RAB3C: variants seen among roughly 807,000 people sequenced by gnomAD.
The protein encoded by RAB3C is ras-related protein Rab-3C.
In RAB3C, 17 loss-of-function variants were observed where a neutral mutation model predicts 26.4. The ratio of observed to expected loss-of-function variants is 0.64; its 90% confidence interval spans 0.44 to 0.97. The LOEUF (loss-of-function observed/expected upper bound fraction) is 0.97. Ranked by LOEUF, RAB3C falls within the 50% of genes least tolerant of loss-of-function variation. The probability of loss-of-function intolerance (pLI) is 0.00; values close to 1 mark genes in which losing one functional copy is unlikely to be tolerated. For missense variants in RAB3C, 242 were observed against 281.9 expected, an observed-to-expected ratio of 0.86 and a Z score of 1.01; for synonymous variants, 91 against 95.9, an observed-to-expected ratio of 0.95 and a Z score of 0.30.
Position 58,638,321 on chromosome 5 carries a change from A to T in RAB3C, c.252+20451A>T, listed in dbSNP as rs1380792572. Among the ~76,000 whole-genome samples the T allele has an allele frequency of 3.3e-5, 5 of 151,690 alleles. No homozygotes were observed. The East Asian group carries it at 9.7e-4, about 29-fold the overall frequency. ...TACTAACTTTTCTATTGTTCTGTGC[A>T]TCTTTATTTTCATTGATTTGTGAGG... On this transcript the variant is annotated intron_variant, in intron 2 of 4. Transcript: ENST00000282878.
In RAB3C at chr5:58,851,266, A is replaced by C; in HGVS notation, c.599A>C (p.Glu200Ala). Residue 200 changes from glutamate to alanine, a missense_variant, in exon 5 of 5, where the codon GAG (glutamate) becomes GCG (alanine). Transcript: ENST00000282878. Reference sequence around the variant, plus strand: ...TGCGACAAAATGTCAGAGAGTTTGGAGACTGATCCTGCCATCACTGCTGCA... The same window carrying C: ...TGCGACAAAATGTCAGAGAGTTTGGCGACTGATCCTGCCATCACTGCTGCA... ...IICDKMSESL[E>A]TDPAITAAKQ... The C allele has an allele frequency of 6.2e-7, 1 of 1,613,978 alleles. No homozygotes were observed. Among genetic ancestry groups the C allele is most frequent in the Non-Finnish European group, 8.5e-7 (1 of 1,179,940 alleles).
chr5:58,661,477 T>C (rs1179517947), intron 2 of RAB3C, among the ~76,000 whole-genome samples: 1 of 149,910 alleles, frequency 6.7e-6, no homozygotes, highest in African/African-American at 2.5e-5. Context: ...TTTTCATATT[T>C]GCTATTGCAT....
intron 2 of RAB3C, among the ~76,000 whole-genome samples, chr5:58,631,459 C>G (rs1188483983): frequency 1.3e-5 from 2 of 152,178 alleles, no homozygotes; most frequent in Admixed American, 6.5e-5. Flanking sequence ...AGGCTAATGT[C>G]TCAAATATTT....
chr5:58,851,650 A>G lies in RAB3C; in HGVS notation c.*299A>G, dbSNP rs1744117812. Reference sequence around the variant, plus strand: ...TTTGTTCTCAGACTACTTCTGGGACATCAGACTATAATCTCACTACAACTG... The same window carrying G: ...TTTGTTCTCAGACTACTTCTGGGACGTCAGACTATAATCTCACTACAACTG... On this transcript the variant is annotated 3_prime_UTR_variant, in exon 5 of 5. Coordinates refer to ENST00000282878, the MANE Select transcript of RAB3C (RefSeq NM_138453.4). 1 of 279,568 alleles carries G rather than the reference A, an allele frequency of 3.6e-6. No homozygotes were observed. Among genetic ancestry groups the G allele is most frequent in the African/African-American group, 2.2e-5 (1 of 45,788 alleles). The allele number at this position is 279,568 out of a possible 1,614,324, so 17.3% of individuals were successfully genotyped here. A position where few individuals can be genotyped will look rare whatever the true frequency, so the allele number is the denominator to read the frequency against.
rs1195471970 is a variant in RAB3C, at chr5:58,855,826, A to G, written c.*4475A>G. The G allele has an allele frequency of 1.3e-5, 2 of 152,218 alleles. No individual in the cohort carries two copies. The highest frequency in any genetic ancestry group is 3.8e-4 in the East Asian group (2 of 5,200). 9.4% of individuals were successfully genotyped at this position (152,218 alleles called of 1,614,324 possible). On this transcript the variant is annotated 3_prime_UTR_variant, in exon 5 of 5. Transcript: ENST00000282878. Reference sequence around the variant, plus strand: ...CACAGCACTGTATCTAAAGGGCTCTAGGTTGTAGAAATATAGTACCCCCTA... The same window carrying G: ...CACAGCACTGTATCTAAAGGGCTCTGGGTTGTAGAAATATAGTACCCCCTA...
rs1266615989 is a variant in RAB3C, at chr5:58,612,516, GTGTGTATATATATATA to G, written c.25-5125_25-5110del. On this transcript the variant is annotated intron_variant, in intron 1 of 4. Transcript: ENST00000282878. ...TGTGTGTGTGTGTGTGTGTGTGTGT[GTGTGTATATATATATA>G]TATATATATATATATGTATATATAT... Among the ~76,000 whole-genome samples, 7 of 41,082 alleles carry G rather than the reference GTGTGTATATATATATA, an allele frequency of 1.7e-4. No individual in the cohort carries two copies. In the South Asian group the frequency reaches 3.1e-3, roughly 18 times the overall value. The allele number at this position is 41,082 out of a possible 152,430, so 27.0% of individuals were successfully genotyped here. A position where few individuals can be genotyped will look rare whatever the true frequency, so the allele number is the denominator to read the frequency against.
intron 1 of RAB3C, among the ~76,000 whole-genome samples, chr5:58,600,599 T>C (rs1034300833): frequency 3.3e-5 from 5 of 152,182 alleles, no homozygotes; most frequent in Non-Finnish European, 5.9e-5. Context: ...TTATTTATTT[T>C]TGCAGCTAAT....
At chr5:58,611,911 C>G (rs984795723) in intron 1 of RAB3C, among the ~76,000 whole-genome samples, 2 of 151,924 alleles carry the variant, frequency 1.3e-5, no homozygotes, top group Middle Eastern at 3.4e-3. Flanking sequence ...TTTTGTATAT[C>G]GTGTAAGGAA....
intron 3 of RAB3C, among the ~76,000 whole-genome samples, chr5:58,763,795 A>G (rs1741842997): frequency 6.6e-6 from 1 of 152,232 alleles, no homozygotes; most frequent in African/African-American, 2.4e-5. Flanking sequence ...GCAAAGCAGA[A>G]AAGGTAATAG....
chr5:58,657,625 G>A (rs1747810372), intron 2 of RAB3C, among the ~76,000 whole-genome samples: 2 of 152,220 alleles, frequency 1.3e-5, no homozygotes, highest in Admixed American at 1.3e-4. Flanking sequence ...TGGTGAGGTG[G>A]GAGAAGCAGA....
At position 58,839,528 on chromosome 5, in the gene RAB3C, G is replaced by C. The variant is rs577889842; in HGVS notation, c.497-11636G>C. On this transcript the variant is annotated intron_variant, in intron 4 of 4. Transcript: ENST00000282878. ...TAGGATTACAGGCATGCACCACCAT[G>C]CCCGGCTAATTTTGTATTTTTAGTA... Among the ~76,000 whole-genome samples, 35 of 151,924 alleles carry C rather than the reference G, an allele frequency of 2.3e-4. No individual in the cohort carries two copies. The South Asian group carries it at 7.3e-3, about 32-fold the overall frequency.
intron 3 of RAB3C, among the ~76,000 whole-genome samples, chr5:58,756,181 A>T (rs897308146): frequency 6.6e-6 from 1 of 151,010 alleles, no homozygotes; most frequent in Non-Finnish European, 1.5e-5. Flanking sequence ...CTCTCCATAC[A>T]TGTTACATAC....
At chr5:58,837,713 C>A (rs1743783223) in intron 4 of RAB3C, among the ~76,000 whole-genome samples, 1 of 150,438 alleles carries the variant, frequency 6.6e-6, no homozygotes, top group African/African-American at 2.4e-5. Flanking sequence ...TGCCCACCAC[C>A]ACACCCAGAT....
intron 2 of RAB3C, among the ~76,000 whole-genome samples, chr5:58,701,195 G>C (rs529795095): frequency 6.6e-6 from 1 of 152,058 alleles, no homozygotes; most frequent in Admixed American, 6.5e-5. Context: ...TAGAGATGGG[G>C]TTTCACCATG....
intron 2 of RAB3C, among the ~76,000 whole-genome samples, chr5:58,710,516 C>G (rs13159296): frequency 6.6e-6 from 1 of 151,648 alleles, no homozygotes; most frequent in Admixed American, 6.6e-5. Flanking sequence ...GGAGAATTGC[C>G]TGAGTCTGGG....
chr5:58,618,627 G>A (rs1033465878), intron 2 of RAB3C, among the ~76,000 whole-genome samples: 13 of 145,774 alleles, frequency 8.9e-5, no homozygotes, highest in African/African-American at 3.3e-4. Flanking sequence ...AAATCTATGT[G>A]GATAGCAGGT....
intron 3 of RAB3C, among the ~76,000 whole-genome samples, chr5:58,764,043 A>G (rs1325359802): frequency 1.3e-5 from 2 of 152,216 alleles, no homozygotes; most frequent in African/African-American, 4.8e-5. Flanking sequence ...TAAAAAATAG[A>G]AGAAAAACAT....
intron 3 of RAB3C, among the ~76,000 whole-genome samples, chr5:58,797,324 A>AT (rs1317931392): frequency 4.5e-4 from 62 of 138,240 alleles, no homozygotes; most frequent in African/African-American, 1.7e-3. Context: ...CAAGGATATC[A>AT]GACTCCCTGG....
At chr5:58,758,092 C>A (rs1321675658) in intron 3 of RAB3C, among the ~76,000 whole-genome samples, 2 of 152,156 alleles carry the variant, frequency 1.3e-5, no homozygotes, top group Non-Finnish European at 2.9e-5. Context: ...CAGGTGCCCA[C>A]CACCACGCCC....
Sources: gnomAD v4.1 joint callset for allele counts (sites outside exome capture counted in the v4.1 genomes callset) on GRCh38, gnomAD v4.1.1 for gene constraint, MANE v1.5 for transcripts, NCBI Gene and HGNC (gene_info 2026-07-23, HGNC 2026-07-21) for gene names.